ATG9A: variants seen among roughly 807,000 people sequenced by gnomAD.
ATG9A encodes autophagy-related protein 9A.
A neutral mutation model predicts 87.1 loss-of-function variants in ATG9A; 21 were observed. The ratio of observed to expected loss-of-function variants is 0.24; its 90% CI spans 0.17 to 0.35. The LOEUF (loss-of-function observed/expected upper bound fraction) is 0.35. Among genes scored for constraint, ATG9A ranks in the 10% least tolerant of loss-of-function variants. ATG9A has a pLI of 1.00. For missense variants in ATG9A, 836 were observed against 1,107.3 expected (o/e 0.76, Z 3.48); for synonymous variants, 422 against 441.3 (o/e 0.96, Z 0.55).
chr2:219,222,492 A>C lies in ATG9A; in HGVS notation c.1849-42T>G, dbSNP rs1340377435. 8.4e-6 allele frequency: 13 copies of C among 1,543,242 alleles called. No homozygotes were observed. The African/African-American group carries it at 1.4e-4, about 16-fold the overall frequency. On this transcript the variant is annotated intron_variant, in intron 11 of 15. Coordinates refer to ENST00000361242, the MANE Select transcript of ATG9A (RefSeq NM_001077198.3). This position sits in a 1 kb window ranked among gnomAD's most constrained non-coding sequence, Gnocchi z 4.3. ...TAGGTAGAATTCTTGAGGCAAGAGAAAGGTCTCTGGGGTCCCCTAGTATTC... is the reference window on the plus strand; with the variant it reads ...TAGGTAGAATTCTTGAGGCAAGAGACAGGTCTCTGGGGTCCCCTAGTATTC...
At position 219,222,487 on chromosome 2, in the gene ATG9A, A is replaced by G; in HGVS notation, c.1849-37T>C. On this transcript the variant is annotated intron_variant, in intron 11 of 15. Transcript: ENST00000361242. This position sits in a 1 kb window ranked among gnomAD's most constrained non-coding sequence, Gnocchi z 4.3. ...ACGGGTAGGTAGAATTCTTGAGGCA[A>G]GAGAAAGGTCTCTGGGGTCCCCTAG... The G allele has an allele frequency of 6.5e-7, 1 of 1,543,016 alleles. No homozygotes were observed. The highest frequency in any genetic ancestry group is 8.7e-7 in the Non-Finnish European group (1 of 1,145,916).
At chr2:219,226,046 T>C (rs1343236646) in intron 5 of ATG9A, among the ~76,000 whole-genome samples, 3 of 152,126 alleles carry the variant, frequency 2.0e-5, no homozygotes, top group African/African-American at 7.2e-5. Context: ...GTGGCTGGCA[T>C]CTCTGAGACC....
chr2:219,225,330 T>C (rs1457007887), intron 6 of ATG9A, 81 bp downstream of exon 6: 3 of 1,592,210 alleles, frequency 1.9e-6, no homozygotes, highest in Non-Finnish European at 2.6e-6. Context: ...GGAGTATGAG[T>C]TGCTGCCTCA....
At position 219,222,998 on chromosome 2, in the gene ATG9A, G is replaced by T; in HGVS notation, c.1600-105C>A. ...TTACCCTTGGAGAACGGAGACCACA[G>T]TATACTGTCAATCTTTCCCAGGGCA... On this transcript the variant is annotated intron_variant, in intron 10 of 15. Transcript: ENST00000361242. The surrounding 1 kb of genome is among the most constrained non-coding windows in gnomAD (Gnocchi z 4.3). 7.0e-7 allele frequency: 1 copy of T among 1,425,236 alleles called. No homozygotes were observed. The highest frequency in any genetic ancestry group is 9.5e-7 in the Non-Finnish European group (1 of 1,057,632). The allele number at this position is 1,425,236 out of a possible 1,614,324, so 88.3% of individuals were successfully genotyped here. A position where few individuals can be genotyped will look rare whatever the true frequency, so the allele number is the denominator to read the frequency against.
chr2:219,226,406 C>T (rs887926291), intron 5 of ATG9A, among the ~76,000 whole-genome samples: 4 of 152,162 alleles, frequency 2.6e-5, no homozygotes, highest in African/African-American at 4.8e-5. Flanking sequence ...AAAGCTTGGC[C>T]GGGCGTGGTG....
intron 13 of ATG9A, 63 bp from the exon 14 acceptor site, chr2:219,221,365 C>T: frequency 7.0e-7 from 1 of 1,431,766 alleles, no homozygotes. Context: ...CAGCTGCCCT[C>T]CAACCTGGTA....
intron 15 of ATG9A, 55 bp from the exon 16 acceptor site, chr2:219,220,507 T>C: frequency 1.2e-6 from 2 of 1,607,080 alleles, no homozygotes; most frequent in Non-Finnish European, 1.7e-6. Flanking sequence ...GGTTGATACC[T>C]GCTAGCCCCA....
At chr2:219,227,046 T>C (rs1950875550) in intron 4 of ATG9A, 113 bp from the exon 5 acceptor site, 1 of 841,886 alleles carries the variant, frequency 1.2e-6, no homozygotes, top group East Asian at 2.6e-5. Flanking sequence ...CTGTGTGACT[T>C]TACCAAGTTA....
In ATG9A at chr2:219,221,322, G is replaced by A. The variant is rs371578680; in HGVS notation, c.2146-20C>T. On this transcript the variant is annotated intron_variant, in intron 13 of 15. Coordinates refer to ENST00000361242, the MANE Select transcript of ATG9A (RefSeq NM_001077198.3). ...GTGGAGCTGGAGAAATGGGGGGCTC[G>A]TTAGTGGGGGACAGACGGATGTCCA... The A allele has an allele frequency of 1.0e-5, 16 of 1,535,826 alleles. No individual in the cohort carries two copies. The highest frequency in any genetic ancestry group is 1.0e-4 in the South Asian group (8 of 79,156).
At chr2:219,225,301 C>A (rs1291406012) in intron 6 of ATG9A, 89 bp from the exon 7 acceptor site, 3 of 1,601,600 alleles carry the variant, frequency 1.9e-6, no homozygotes, top group African/African-American at 1.3e-5. Flanking sequence ...TTTTGCTAGA[C>A]CAAGCCTGAG....
chr2:219,223,470 CT>C lies in ATG9A; in HGVS notation c.1599+114del, dbSNP rs1413259647. Reference sequence around the variant, plus strand: ...GCCCAGGCTCCCAAGCAGTGTGCCCCTGGTATAGGACTGCCTTTGTGTGACT... The same window carrying C: ...GCCCAGGCTCCCAAGCAGTGTGCCCCGGTATAGGACTGCCTTTGTGTGACT... On this transcript the variant is annotated intron_variant, in intron 10 of 15. Coordinates refer to ENST00000361242, the MANE Select transcript of ATG9A (RefSeq NM_001077198.3). The surrounding 1 kb of genome is among the most constrained non-coding windows in gnomAD (Gnocchi z 4.7). The C allele has an allele frequency of 1.3e-5, 16 of 1,244,690 alleles. No homozygotes were observed. Among genetic ancestry groups the C allele is most frequent in the Non-Finnish European group, 1.5e-5 (14 of 919,218 alleles). The allele number at this position is 1,244,690 out of a possible 1,614,324, so 77.1% of individuals were successfully genotyped here. A position where few individuals can be genotyped will look rare whatever the true frequency, so the allele number is the denominator to read the frequency against.
chr2:219,226,903 T>G lies in ATG9A; in HGVS notation c.178A>C (p.Thr60Pro). 1 of 1,613,852 alleles carries G rather than the reference T, an allele frequency of 6.2e-7. No homozygotes were observed. Among genetic ancestry groups the G allele is most frequent in the South Asian group, 1.1e-5 (1 of 91,090 alleles). The change falls in exon 5 of 16, where the codon ACA becomes CCA. Residue 60 changes from threonine to proline, a missense_variant. This residue lies in a region of ATG9A where 512 missense variants were observed against 759.6 expected (regional missense o/e 0.67). Coordinates refer to ENST00000361242, the MANE Select transcript of ATG9A (RefSeq NM_001077198.3). ...VYNLHQKNGF[T>P]CMLIGEIFEL... ...AAGATCTCCCCGATGAGCATACATG[T>G]GAAGCCATTCTTCTGGTGCAGATTA...
At position 219,224,261 on chromosome 2, in the gene ATG9A, T is replaced by A. The variant is rs199914797; in HGVS notation, c.1110A>T (p.Ser370=). 56 of 1,613,700 alleles carry A rather than the reference T, an allele frequency of 3.5e-5. No individual in the cohort carries two copies. In the African/African-American group the frequency reaches 6.9e-4, roughly 20 times the overall value. ...PASKYMNCFL[S]PLLTLLAKNG... ...TCTTGGCCAGCAGTGTCAAAAGAGGTGACAAGAAGCAATTCATGTACTTGG... is the reference window on the plus strand; with the variant it reads ...TCTTGGCCAGCAGTGTCAAAAGAGGAGACAAGAAGCAATTCATGTACTTGG... Residue 370 remains serine, a synonymous_variant, in exon 8 of 16, where the codon TCA becomes TCT. Transcript: ENST00000361242. The surrounding 1 kb of genome is among the most constrained non-coding windows in gnomAD (Gnocchi z 7.7).
Position 219,229,181 on chromosome 2 carries a change from A to C in ATG9A, c.-82+354T>G, listed in dbSNP as rs1210869375. On this transcript the variant is annotated intron_variant, in intron 1 of 15. Transcript: ENST00000361242. The surrounding 1 kb of genome is among the most constrained non-coding windows in gnomAD (Gnocchi z 4.2). ...GGCCTGGGCTCAGGGGTTCCTGCGG[A>C]TGTTGCAGGGATCGAGTCAGCCTTA... 2.0e-5 allele frequency: 3 copies of C among 151,960 alleles called. No homozygotes were observed. The allele number at this position is 151,960 out of a possible 1,614,324, so 9.4% of individuals were successfully genotyped here.
In ATG9A at chr2:219,224,471, C is replaced by A; in HGVS notation, c.900G>T (p.Leu300=). 6.2e-7 allele frequency: 1 copy of A among 1,614,070 alleles called. No homozygotes were observed. Among genetic ancestry groups the A allele is most frequent in the Non-Finnish European group, 8.5e-7 (1 of 1,179,980 alleles). The part of the protein sequence containing the change: ...ILWIGIANFL[L]CPLILIWQIL... ...TTTGCCATATGAGGATGAGGGGGCA[C>A]AGCAGGAAGTTAGCGATGCCAATCC... is the stretch of plus-strand genomic sequence containing the variant. Residue 300 remains leucine, a synonymous_variant, in exon 8 of 16, where the codon CTG becomes CTT. Transcript: ENST00000361242. The surrounding 1 kb of genome is among the most constrained non-coding windows in gnomAD (Gnocchi z 7.7).
Position 219,224,817 on chromosome 2 carries a change from G to C in ATG9A, c.554C>G (p.Ala185Gly). The C allele has an allele frequency of 6.2e-7, 1 of 1,614,138 alleles. No individual in the cohort carries two copies. The highest frequency in any genetic ancestry group is 8.5e-7 in the Non-Finnish European group (1 of 1,180,040). Residue 185 changes from alanine to glycine, a missense_variant, in exon 8 of 16, where the codon GCC becomes GGC. By Grantham distance (60) the Ala-to-Gly change is moderately conservative (BLOSUM62 0). This residue lies in a region of ATG9A where 512 missense variants were observed against 759.6 expected (regional missense o/e 0.67). Coordinates refer to ENST00000361242, the MANE Select transcript of ATG9A (RefSeq NM_001077198.3). The surrounding 1 kb of genome is among the most constrained non-coding windows in gnomAD (Gnocchi z 7.7). ...CTCCTTCTGCGTCTGCACGATCCGGGCCTGCACTTCTTGCCACGTGCAATA... is the reference window on the plus strand; with the variant it reads ...CTCCTTCTGCGTCTGCACGATCCGGCCCTGCACTTCTTGCCACGTGCAATA... Reference protein sequence around the residue: ...LPYCTWQEVQARIVQTQKEHQ... With the variant: ...LPYCTWQEVQGRIVQTQKEHQ...
Position 219,222,418 on chromosome 2 carries a change from G to A in ATG9A, c.1881C>T (p.Gly627=), listed in dbSNP as rs1291447121. 1.3e-6 allele frequency: 2 copies of A among 1,578,404 alleles called. No homozygotes were observed. Among genetic ancestry groups the A allele is most frequent in the Non-Finnish European group, 1.7e-6 (2 of 1,163,316 alleles). ...PLSLIANVVA[G]SSCRGPPLPR... ...GCAGTGGAGGGCCCCGGCAGGATGAGCCAGCTACCACATTTGCGATAAGGC... is the reference window on the plus strand; with the variant it reads ...GCAGTGGAGGGCCCCGGCAGGATGAACCAGCTACCACATTTGCGATAAGGC... Residue 627 remains glycine, a synonymous_variant, in exon 12 of 16, where the codon GGC becomes GGT. Coordinates refer to ENST00000361242, the MANE Select transcript of ATG9A (RefSeq NM_001077198.3). The surrounding 1 kb of genome is among the most constrained non-coding windows in gnomAD (Gnocchi z 4.3).
At chr2:219,220,940 A>T (rs757444502) in intron 14 of ATG9A, 48 bp from the exon 15 acceptor site, 4 of 1,536,850 alleles carry the variant, frequency 2.6e-6, no homozygotes, top group Non-Finnish European at 3.6e-6. Flanking sequence ...GAACACAAGA[A>T]TGAGGAACAG....
rs556574077 is a variant in ATG9A, at chr2:219,219,516, T to C, written c.*931A>G. 4.4e-4 allele frequency: 67 copies of C among 152,286 alleles called. No individual in the cohort carries two copies. Among genetic ancestry groups the C allele is most frequent in the Non-Finnish European group, 7.3e-4 (50 of 68,064 alleles). The allele number at this position is 152,286 out of a possible 1,614,324, so 9.4% of individuals were successfully genotyped here. ...GCTGGGTGAGGGGTGGGACAGAGAG[T>C]AGGAGCAGTCCCAGCATGCAGTGCA... On this transcript the variant is annotated 3_prime_UTR_variant, in exon 16 of 16. Coordinates refer to ENST00000361242, the MANE Select transcript of ATG9A (RefSeq NM_001077198.3).
Sources: gnomAD v4.1 joint callset for allele counts (sites outside exome capture counted in the v4.1 genomes callset) on GRCh38, gnomAD v4.1.1 for gene constraint, gnomAD v4.1.1 regional missense constraint, Gnocchi (gnomAD v3.1) non-coding constraint, MANE v1.5 for transcripts, NCBI Gene and HGNC (gene_info 2026-07-23, HGNC 2026-07-21) for gene names.